FLT3: variants seen among roughly 807,000 people sequenced by gnomAD.
FLT3 encodes the protein fms related receptor tyrosine kinase 3, also known as receptor-type tyrosine-protein kinase FLT3.
A neutral mutation model predicts 126.6 loss-of-function variants in FLT3; 46 were observed. The ratio of observed to expected loss-of-function variants is 0.36; its 90% CI spans 0.29 to 0.46. The LOEUF (loss-of-function observed/expected upper bound fraction) is 0.46, where lower values mean the gene tolerates loss of function less well. Ranked by LOEUF, FLT3 falls within the 20% of genes least tolerant of loss-of-function variation. FLT3 has a pLI of 1.00. For synonymous variants in FLT3, 404 were observed against 434.4 expected, an observed-to-expected ratio of 0.93 and a Z score of 0.87; for missense variants, 1,069 against 1,190.3, an observed-to-expected ratio of 0.90 and a Z score of 1.50.
At chr13:28,091,253 G>C (rs1188024107) in intron 1 of FLT3, among the ~76,000 whole-genome samples, 4 of 101,258 alleles carry the variant, frequency 4.0e-5, no homozygotes, top group South Asian at 3.5e-4. Flanking sequence ...ACGGAGTCTC[G>C]CTCTGTCGCC....
chr13:28,075,650 G>C (rs537791704), intron 1 of FLT3, among the ~76,000 whole-genome samples: 1 of 151,414 alleles, frequency 6.6e-6, no homozygotes, highest in Non-Finnish European at 1.5e-5. Flanking sequence ...ACTTCAACCT[G>C]GGAGGTAGAG....
At chr13:28,016,119 C>T (rs953249727) in intron 20 of FLT3, among the ~76,000 whole-genome samples, 8 of 152,100 alleles carry the variant, frequency 5.3e-5, no homozygotes, top group East Asian at 1.9e-4. Flanking sequence ...GGGGAGCCCA[C>T]GTCATCACTT....
intron 19 of FLT3, among the ~76,000 whole-genome samples, chr13:28,019,635 C>G (rs1872201829): frequency 2.0e-5 from 3 of 152,120 alleles, no homozygotes; most frequent in African/African-American, 7.2e-5. Context: ...CCCACTTTAC[C>G]CCAGGTCTGC....
At chr13:28,047,766 A>G (rs1445781880) in intron 9 of FLT3, among the ~76,000 whole-genome samples, 2 of 152,150 alleles carry the variant, frequency 1.3e-5, no homozygotes, top group Admixed American at 6.5e-5. Context: ...TGTTCTTAAA[A>G]AAAAGAATCT....
chr13:28,050,546 GA>G (rs993879771), intron 5 of FLT3, among the ~76,000 whole-genome samples: 7 of 151,980 alleles, frequency 4.6e-5, no homozygotes, highest in East Asian at 3.9e-4. Context: ...GAAGATAAAG[GA>G]AAAAAAGAGA....
chr13:28,023,612 G>A (rs1872582267), intron 18 of FLT3, 135 bp from the exon 19 acceptor site: 3 of 943,444 alleles, frequency 3.2e-6, no homozygotes, highest in Non-Finnish European at 4.8e-6. Flanking sequence ...CTTCCCGGCA[G>A]CATTAGAGAT....
chr13:28,035,569 T>G lies in FLT3; in HGVS notation c.1523A>C (p.Lys508Thr). The G allele has an allele frequency of 6.2e-7, 1 of 1,614,174 alleles. No homozygotes were observed. Among genetic ancestry groups the G allele is most frequent in the Non-Finnish European group, 8.5e-7 (1 of 1,180,026 alleles). ...TGCACAGCACTTGACCAGGAACCCT[T>G]TTATGGCTTCACTCATGTTTAGAGT... ...SSTLNMSEAI[K>T]GFLVKCCAYN... is the part of the protein sequence containing the mutation. The change falls in exon 12 of 24, where the codon AAA (lysine) becomes ACA (threonine). Residue 508 changes from lysine (K) to threonine (T), a missense_variant. Lys to Thr is a moderately conservative substitution (Grantham distance 78, BLOSUM62 -1). Coordinates refer to ENST00000241453, the MANE Select transcript of FLT3 (RefSeq NM_004119.3).
rs1205726649 is a variant in FLT3, at chr13:28,048,531, GT to G, written c.1037-89del. ...AGATAAAATAAACTTGTATTCATCA[GT>G]TTAACACAGGAAAACTCAAGTGTTG... On this transcript the variant is annotated intron_variant, in intron 8 of 23. Coordinates refer to ENST00000241453, the MANE Select transcript of FLT3 (RefSeq NM_004119.3). 7 of 925,034 alleles carry G rather than the reference GT, an allele frequency of 7.6e-6. No individual in the cohort carries two copies. The Admixed American group carries it at 1.8e-4, about 23-fold the overall frequency. 57.3% of individuals were successfully genotyped at this position (925,034 alleles called of 1,614,324 possible).
rs113428661 is a variant in FLT3 at position 28,052,177 on chromosome 13, C to A, written c.614+368G>T. ...TGGCGTGATCTTGGCTCACCACAAC[C>A]TTTGCCTCCCAGGTTCAAGAGATTC... On this transcript the variant is annotated intron_variant, in intron 5 of 23. Coordinates refer to ENST00000241453, the MANE Select transcript of FLT3 (RefSeq NM_004119.3). Among the ~76,000 whole-genome samples the A allele has an allele frequency of 6.7e-4, 101 of 151,860 alleles. 2 individuals are homozygous for A. The highest frequency in any genetic ancestry group is 2.3e-3 in the African/African-American group (94 of 41,196).
At chr13:28,051,563 G>C (rs1253366736) in intron 5 of FLT3, among the ~76,000 whole-genome samples, 4 of 63,454 alleles carry the variant, frequency 6.3e-5, no homozygotes, top group African/African-American at 1.5e-4. Context: ...TTTTTTTTTT[G>C]AGATGGAGTC....
At chr13:28,066,878 A>T (rs982769878) in intron 2 of FLT3, among the ~76,000 whole-genome samples, 1 of 152,220 alleles carries the variant, frequency 6.6e-6, no homozygotes, top group Non-Finnish European at 1.5e-5. Flanking sequence ...GACACTTATT[A>T]ATTATAAGTG....
At chr13:28,014,612 G>T in intron 22 of FLT3, 55 bp from the exon 23 acceptor site, 2 of 1,215,716 alleles carry the variant, frequency 1.6e-6, no homozygotes, top group South Asian at 1.2e-5. Context: ...GAAGCAAAAT[G>T]GATCATTTTC....
intron 1 of FLT3, among the ~76,000 whole-genome samples, chr13:28,088,480 G>T (rs947620343): frequency 2.0e-5 from 3 of 151,482 alleles, no homozygotes; most frequent in Non-Finnish European, 4.4e-5. Flanking sequence ...TAGAGACAGG[G>T]TTTTGCCATG....
At chr13:28,028,893 T>C (rs1291719813) in intron 15 of FLT3, among the ~76,000 whole-genome samples, 7 of 151,482 alleles carry the variant, frequency 4.6e-5, no homozygotes, top group Admixed American at 3.3e-4. Flanking sequence ...GTGATCCTCC[T>C]ACCTCAGCCC....
chr13:28,021,707 G>A (rs955962113), intron 19 of FLT3, among the ~76,000 whole-genome samples: 2 of 152,000 alleles, frequency 1.3e-5, no homozygotes, highest in African/African-American at 2.4e-5. Context: ...GATTACAGAC[G>A]TACACCACTG....
At chr13:28,072,287 G>A (rs540671079) in intron 1 of FLT3, among the ~76,000 whole-genome samples, 17 of 151,818 alleles carry the variant, frequency 1.1e-4, no homozygotes, top group Admixed American at 1.1e-3. Context: ...ATTGTGAAAC[G>A]AATACCCCAA....
chr13:28,042,188 T>TAATAATAATAAAAAA (rs1555255326), intron 9 of FLT3, among the ~76,000 whole-genome samples: 4 of 136,698 alleles, frequency 2.9e-5, no homozygotes, highest in African/African-American at 8.2e-5. Context: ...ATAATAATAA[T>TAATAATAATAAAAAA]AAATAAAAAT....
At chr13:28,011,749 CTCTCTT>C (rs1325141071) in intron 23 of FLT3, among the ~76,000 whole-genome samples, 1 of 143,344 alleles carries the variant, frequency 7.0e-6, no homozygotes, top group African/African-American at 2.6e-5. Flanking sequence ...TCTTTTTTTT[CTCTCTT>C]TCTCTTTCTT....
intron 1 of FLT3, among the ~76,000 whole-genome samples, chr13:28,079,852 ACAGC>A (rs1474884202): frequency 6.6e-6 from 1 of 152,182 alleles, no homozygotes; most frequent in East Asian, 1.9e-4. Context: ...GGGTGGAGAC[ACAGC>A]CAAACCATAT....
Sources: gnomAD v4.1 joint callset for allele counts (sites outside exome capture counted in the v4.1 genomes callset) on GRCh38, gnomAD v4.1.1 for gene constraint, MANE v1.5 for transcripts, NCBI Gene and HGNC (gene_info 2026-07-23, HGNC 2026-07-21) for gene names.